PACRG: variants seen among roughly 807,000 people sequenced by gnomAD.
PACRG encodes the protein parkin coregulated, also known as parkin coregulated gene protein.
PACRG carries 29 observed loss-of-function variants against 29.7 expected under a neutral mutation model. The ratio of observed to expected loss-of-function variants is 0.98; its 90% CI spans 0.73 to 1.33. PACRG has a LOEUF of 1.33. Ranked by LOEUF, PACRG falls within the 40% of genes most tolerant of loss-of-function variation. The pLI is 0.00. For missense variants in PACRG, 279 were observed against 316.2 expected (o/e 0.88, Z 0.89); for synonymous variants, 116 against 118.7 (o/e 0.98, Z 0.15).
chr6:163,144,369 C>CACACACT (rs1554372289), intron 4 of PACRG, among the ~76,000 whole-genome samples: 26 of 150,362 alleles, frequency 1.7e-4, no homozygotes, highest in African/African-American at 6.4e-4. Context: ...CACACACACA[C>CACACACT]AGTTATATTA....
intron 2 of PACRG, among the ~76,000 whole-genome samples, chr6:162,900,896 G>T (rs930080434): frequency 2.6e-5 from 4 of 152,118 alleles, no homozygotes; most frequent in Admixed American, 2.0e-4. Flanking sequence ...GACTTATCAT[G>T]AGCTGAAAGT....
At chr6:163,226,653 G>C (rs115874056) in intron 4 of PACRG, among the ~76,000 whole-genome samples, 1,921 of 152,238 alleles carry the variant, frequency 0.013, 55 homozygotes, top group African/African-American at 0.043. Flanking sequence ...GCTGGAGGAA[G>C]GGGTAACCTT....
chr6:162,887,776 G>A (rs576997208), intron 2 of PACRG, among the ~76,000 whole-genome samples: 1 of 152,006 alleles, frequency 6.6e-6, no homozygotes, highest in African/African-American at 2.4e-5. Flanking sequence ...CTGGTTTGCA[G>A]AGTGCCCAGT....
At chr6:163,265,960 C>T (rs1783517102) in intron 4 of PACRG, among the ~76,000 whole-genome samples, 1 of 152,194 alleles carries the variant, frequency 6.6e-6, no homozygotes. Context: ...GTTGGTGCAT[C>T]TCCAACTATT....
chr6:163,267,151 AG>A (rs34751510), intron 4 of PACRG, among the ~76,000 whole-genome samples: 36,700 of 151,932 alleles, frequency 0.24, 4,804 homozygotes, highest in Admixed American at 0.33. Context: ...ACACTGGGAG[AG>A]GGGGTCTGCC....
In PACRG at chr6:162,862,644, C is replaced by T. The variant is rs374844572; in HGVS notation, c.291+48363C>T. Among the ~76,000 whole-genome samples, 6 of 152,182 alleles carry T rather than the reference C, an allele frequency of 3.9e-5. No homozygotes were observed. In the South Asian group the frequency reaches 6.2e-4, roughly 16 times the overall value. ...CCAGGACTAGTACAGAAAGTCACTC[C>T]GTATAACTGGAAAAGCTTGCTTGTC... On this transcript the variant is annotated intron_variant, in intron 2 of 4. Transcript: ENST00000366888.
At chr6:163,170,388 A>G (rs1297092466) in intron 4 of PACRG, 1 of 152,162 alleles carries the variant, frequency 6.6e-6, no homozygotes, top group East Asian at 1.9e-4. Context: ...CGGAGCATTA[A>G]ACTATAGGGA....
intron 2 of PACRG, among the ~76,000 whole-genome samples, chr6:162,871,781 G>C (rs976180270): frequency 1.3e-5 from 2 of 151,880 alleles, no homozygotes; most frequent in Admixed American, 1.3e-4. Context: ...AGCTGGGCGT[G>C]GTAGCAGGCG....
Position 162,777,709 on chromosome 6 carries a change from T to G in PACRG, c.157-36438T>G, listed in dbSNP as rs1783757358. Among the ~76,000 whole-genome samples, 1 of 152,150 alleles carries G rather than the reference T, an allele frequency of 6.6e-6. No individual in the cohort carries two copies. The highest frequency in any genetic ancestry group is 2.1e-4 in the South Asian group (1 of 4,820). ...TTATACTTTTACTGTAGAGATGCAT[T>G]TAAAGTTTAATATTAACATATTCTG... On this transcript the variant is annotated intron_variant, in intron 1 of 4. Transcript: ENST00000366888. This position sits in a 1 kb window ranked among gnomAD's most constrained non-coding sequence, Gnocchi z 4.0.
chr6:163,078,589 G>A (rs1812772137), intron 3 of PACRG, among the ~76,000 whole-genome samples: 1 of 152,092 alleles, frequency 6.6e-6, no homozygotes, highest in African/African-American at 2.4e-5. Flanking sequence ...AAGGTTATAA[G>A]TGTTATCATT....
At chr6:162,875,141 GCAGACATTCACACACAGATGCACACA>G (rs1471298248) in intron 2 of PACRG, among the ~76,000 whole-genome samples, 1 of 148,282 alleles carries the variant, frequency 6.7e-6, no homozygotes, top group African/African-American at 2.5e-5. Flanking sequence ...ACATTCACAC[GCAGACATTCACACACAGATGCACACA>G]CAGACATTCA....
At chr6:163,312,827 G>C (rs753545374) in intron 4 of PACRG, 25 of 425,484 alleles carry the variant, frequency 5.9e-5, no homozygotes, top group African/African-American at 1.3e-4. Flanking sequence ...ATCATGGCTC[G>C]TTGCAACCTC....
chr6:163,057,476 C>T (rs146008997), intron 2 of PACRG, among the ~76,000 whole-genome samples: 357 of 152,160 alleles, frequency 2.3e-3, no homozygotes, highest in African/African-American at 3.5e-3. Context: ...AGTGCAGTTG[C>T]GCAATCTTGG....
chr6:162,897,078 A>G (rs890247680), intron 2 of PACRG, among the ~76,000 whole-genome samples: 9 of 152,230 alleles, frequency 5.9e-5, no homozygotes, highest in African/African-American at 2.2e-4. Context: ...TAAACTTGTT[A>G]ATGAGTGTCA....
chr6:162,956,896 A>G (rs190253555), intron 2 of PACRG, among the ~76,000 whole-genome samples: 69 of 152,226 alleles, frequency 4.5e-4, no homozygotes, highest in African/African-American at 1.5e-3. Flanking sequence ...GTAACCTATT[A>G]TCAGTTTTCT....
chr6:163,130,455 T>G (rs1484069292), intron 4 of PACRG, among the ~76,000 whole-genome samples: 1 of 152,210 alleles, frequency 6.6e-6, no homozygotes, highest in Non-Finnish European at 1.5e-5. Context: ...TCCTACTTTC[T>G]TTTCTGGTAC....
rs543752257 is a variant in PACRG at position 162,930,036 on chromosome 6, T to G, written c.291+115755T>G. On this transcript the variant is annotated intron_variant, in intron 2 of 4. Transcript: ENST00000366888. ...TGATGTCTCCAGCTTTGTTTTGTTT[T>G]GGGGTATTTTCTCTGCTCAAGATTT... Among the ~76,000 whole-genome samples the G allele has an allele frequency of 2.6e-5, 4 of 151,688 alleles. No homozygotes were observed. In the South Asian group the frequency reaches 8.3e-4, roughly 31 times the overall value.
At chr6:162,929,231 C>A (rs554067645) in intron 2 of PACRG, among the ~76,000 whole-genome samples, 1 of 151,964 alleles carries the variant, frequency 6.6e-6, no homozygotes, top group Admixed American at 6.6e-5. Context: ...TACATTCCCC[C>A]CAACAGTGTA....
intron 4 of PACRG, among the ~76,000 whole-genome samples, chr6:163,245,345 A>G (rs576777355): frequency 3.9e-4 from 60 of 152,326 alleles, no homozygotes; most frequent in Non-Finnish European, 7.6e-4. Context: ...CCTGAATTAT[A>G]ATTATAGCCT....
Sources: gnomAD v4.1 joint callset for allele counts (sites outside exome capture counted in the v4.1 genomes callset) on GRCh38, gnomAD v4.1.1 for gene constraint, Gnocchi (gnomAD v3.1) non-coding constraint, MANE v1.5 for transcripts, NCBI Gene and HGNC (gene_info 2026-07-23, HGNC 2026-07-21) for gene names.